The following CENPP variants were observed in gnomAD, a reference collection of about 807,000 sequenced individuals.
CENPP encodes centromere protein P.
In CENPP, 24 loss-of-function variants were observed where a neutral mutation model predicts 35.6. That is an observed-to-expected ratio of 0.67 (90% CI 0.49 to 0.95). The LOEUF (loss-of-function observed/expected upper bound fraction) is 0.95. Among genes scored for constraint, CENPP ranks in the 40% least tolerant of loss-of-function variants. CENPP has a pLI of 0.00. For missense variants in CENPP, 332 were observed against 345.3 expected, an observed-to-expected ratio of 0.96 and a Z score of 0.31; for synonymous variants, 120 against 125.5, an observed-to-expected ratio of 0.96 and a Z score of 0.29.
rs1310291046 is a variant in CENPP, at chr9:92,362,883, T to C, written c.468-16880T>C. Reference sequence around the variant, plus strand: ...AATATGTATGGATTCATTCATTTCTTTTTTTTCCAACGATTTATAATTTCT... The same window carrying C: ...AATATGTATGGATTCATTCATTTCTCTTTTTTCCAACGATTTATAATTTCT... On this transcript the variant is annotated intron_variant, in intron 4 of 7. Coordinates refer to ENST00000375587, the MANE Select transcript of CENPP (RefSeq NM_001012267.3). Among the ~76,000 whole-genome samples, 10 of 152,220 alleles carry C rather than the reference T, an allele frequency of 6.6e-5. No homozygotes were observed. The East Asian group carries it at 1.9e-3, about 29-fold the overall frequency.
In CENPP at chr9:92,617,347, A is replaced by G. The variant is rs965574317; in HGVS notation, c.*4198A>G. The stretch of plus-strand genomic sequence containing the variant: ...GACACCCCAATTTCTCAGAAGCAGC[A>G]CCTGACAAGACCATGGGTGTAAAGA... On this transcript the variant is annotated 3_prime_UTR_variant, in exon 8 of 8. Coordinates refer to ENST00000375587, the MANE Select transcript of CENPP (RefSeq NM_001012267.3). 6.6e-6 allele frequency: 1 copy of G among 152,266 alleles called. No homozygotes were observed. The highest frequency in any genetic ancestry group is 2.4e-5 in the African/African-American group (1 of 41,438). 9.4% of individuals were successfully genotyped at this position (152,266 alleles called of 1,614,324 possible). A position where few individuals can be genotyped will look rare whatever the true frequency, so the allele number is the denominator to read the frequency against.
At chr9:92,332,057 T>C in intron 1 of CENPP, 113 bp from the exon 2 acceptor site, 1 of 509,978 alleles carries the variant, frequency 2.0e-6, no homozygotes, top group Non-Finnish European at 3.2e-6. Context: ...GGAAGGTGAC[T>C]TAATTGGAAG....
In CENPP at chr9:92,429,113, A is replaced by G. The variant is rs536194987; in HGVS notation, c.564+49254A>G. ...TACCATGTCCCCAAACTGTCTGTCA[A>G]TAGTGGGTGCTCAATAAATATTGTT... is the stretch of plus-strand genomic sequence containing the variant. On this transcript the variant is annotated intron_variant, in intron 5 of 7. Transcript: ENST00000375587. Among the ~76,000 whole-genome samples the G allele has an allele frequency of 1.1e-4, 16 of 152,354 alleles. 1 individual carries two copies. In the South Asian group the frequency reaches 3.3e-3, roughly 32 times the overall value.
chr9:92,384,574 G>A (rs971752237), intron 5 of CENPP: 3 of 152,116 alleles, frequency 2.0e-5, no homozygotes, highest in African/African-American at 7.2e-5. Flanking sequence ...CTCTCAGATA[G>A]AAGATTTAAT....
rs112661654 is a variant in CENPP, at chr9:92,615,648, A to G, written c.*2499A>G. Reference sequence around the variant, plus strand: ...CTGGGACACAGCACTCACTTCCTACATTCCTTGTCCAGGAAGTTGTTTCTA... The same window carrying G: ...CTGGGACACAGCACTCACTTCCTACGTTCCTTGTCCAGGAAGTTGTTTCTA... On this transcript the variant is annotated 3_prime_UTR_variant, in exon 8 of 8. Coordinates refer to ENST00000375587, the MANE Select transcript of CENPP (RefSeq NM_001012267.3). The G allele has an allele frequency of 5.0e-5, 29 of 578,172 alleles. 2 individuals are homozygous for G. Among genetic ancestry groups the G allele is most frequent in the African/African-American group, 3.6e-4 (19 of 53,424 alleles). The allele number at this position is 578,172 out of a possible 1,614,324, so 35.8% of individuals were successfully genotyped here. A position where few individuals can be genotyped will look rare whatever the true frequency, so the allele number is the denominator to read the frequency against.
At chr9:92,588,545 G>A (rs1850595318) in intron 5 of CENPP, among the ~76,000 whole-genome samples, 1 of 152,064 alleles carries the variant, frequency 6.6e-6, no homozygotes, top group Non-Finnish European at 1.5e-5. Flanking sequence ...GAGCCACTGT[G>A]CCCGGCCAGC....
At chr9:92,385,958 A>G (rs544060096) in intron 5 of CENPP, among the ~76,000 whole-genome samples, 1 of 152,300 alleles carries the variant, frequency 6.6e-6, no homozygotes, top group Non-Finnish European at 1.5e-5. Flanking sequence ...GACAAATACA[A>G]TCAAGAGCAG....
chr9:92,359,801 T>C (rs1168974145), intron 4 of CENPP, among the ~76,000 whole-genome samples: 1 of 152,030 alleles, frequency 6.6e-6, no homozygotes, highest in Non-Finnish European at 1.5e-5. Context: ...TTTTTTTTTT[T>C]TTGCTTGCTC....
At chr9:92,567,399 T>TAG (rs34193112) in intron 5 of CENPP, among the ~76,000 whole-genome samples, 36,012 of 135,908 alleles carry the variant, frequency 0.26, 6,741 homozygotes, top group African/African-American at 0.52. Flanking sequence ...TATATATAGA[T>TAG]ATATATATAA....
At chr9:92,327,232 A>G (rs1390827967) in intron 1 of CENPP, among the ~76,000 whole-genome samples, 1 of 152,272 alleles carries the variant, frequency 6.6e-6, no homozygotes, top group Non-Finnish European at 1.5e-5. Context: ...ACTGGCCACA[A>G]GATTTCATTA....
At chr9:92,444,480 A>G (rs1844501548) in intron 5 of CENPP, among the ~76,000 whole-genome samples, 1 of 151,292 alleles carries the variant, frequency 6.6e-6, no homozygotes, top group Admixed American at 6.6e-5. Flanking sequence ...CTTTTGATGG[A>G]CAAAACGTTT....
chr9:92,549,179 G>A (rs941486047), intron 5 of CENPP, among the ~76,000 whole-genome samples: 12 of 152,186 alleles, frequency 7.9e-5, no homozygotes, highest in African/African-American at 2.9e-4. Context: ...AGGAAAATGG[G>A]CTATGGACTT....
chr9:92,440,755 G>A (rs190669346), intron 5 of CENPP, among the ~76,000 whole-genome samples: 5 of 152,136 alleles, frequency 3.3e-5, no homozygotes, highest in African/African-American at 1.2e-4. Context: ...AGTGGAAGAC[G>A]TGAACAGAAA....
intron 5 of CENPP, among the ~76,000 whole-genome samples, chr9:92,407,832 C>G (rs185117251): frequency 6.6e-6 from 1 of 152,124 alleles, no homozygotes. Flanking sequence ...AGGCTGGTCT[C>G]GAACTTTTGA....
At chr9:92,600,452 G>C in intron 5 of CENPP, 1 of 1,612,864 alleles carries the variant, frequency 6.2e-7, no homozygotes, top group Admixed American at 1.7e-5. Context: ...AGAAAAGTTG[G>C]GTCAAGGGAG....
intron 5 of CENPP, among the ~76,000 whole-genome samples, chr9:92,576,842 G>T (rs754935725): frequency 7.9e-5 from 12 of 152,100 alleles, no homozygotes; most frequent in African/African-American, 2.7e-4. Flanking sequence ...AGTATGTATG[G>T]CAGGTAAAGA....
intron 5 of CENPP, chr9:92,509,747 A>C (rs1847223051): frequency 4.1e-6 from 3 of 730,310 alleles, no homozygotes; most frequent in Non-Finnish European, 6.1e-6. Context: ...TTACCAGTCA[A>C]TAGTTAAAAG....
At chr9:92,591,357 TG>T (rs1177677506) in intron 5 of CENPP, among the ~76,000 whole-genome samples, 2 of 151,880 alleles carry the variant, frequency 1.3e-5, no homozygotes, top group African/African-American at 4.8e-5. Context: ...AGGCGGAACT[TG>T]CAGTGAGCCG....
At position 92,474,885 on chromosome 9, in the gene CENPP, C is replaced by T. The variant is rs777269498; in HGVS notation, c.564+95026C>T. 1.9e-6 allele frequency: 3 copies of T among 1,612,476 alleles called. No homozygotes were observed. In the South Asian group the frequency reaches 3.3e-5, roughly 18 times the overall value. On this transcript the variant is annotated intron_variant, in intron 5 of 7. Transcript: ENST00000375587. ...CACAAAGCCAGGAATAATAGGAGCA[C>T]ATACTCCTTCATGGTGTCTTAGTGT... is the stretch of plus-strand genomic sequence containing the variant.
Sources: allele counts gnomAD v4.1 joint callset (sites outside exome capture counted in the v4.1 genomes callset), GRCh38; gene constraint gnomAD v4.1.1; transcripts MANE v1.5; gene names NCBI Gene and HGNC (gene_info 2026-07-23, HGNC 2026-07-21).